Variants in MACROD2 observed in about 807,000 individuals in gnomAD.
The protein encoded by MACROD2 is ADP-ribose glycohydrolase MACROD2.
A neutral mutation model predicts 70.4 loss-of-function variants in MACROD2; 36 were observed. The ratio of observed to expected loss-of-function variants is 0.51; its 90% CI spans 0.39 to 0.68. The LOEUF (loss-of-function observed/expected upper bound fraction) is 0.68, where lower values mean the gene tolerates loss of function less well. Among genes scored for constraint, MACROD2 ranks in the 30% least tolerant of loss-of-function variants. The pLI is 0.00. For synonymous variants in MACROD2, 172 were observed against 178.8 expected (o/e 0.96, Z 0.30); for missense variants, 496 against 538.4 (o/e 0.92, Z 0.78).
In MACROD2 at chr20:14,394,930, C is replaced by A. The variant is rs148314566; in HGVS notation, c.272-98549C>A. Among the ~76,000 whole-genome samples the A allele has an allele frequency of 6.7e-4, 102 of 152,162 alleles. No homozygotes were observed. The East Asian group carries it at 0.015, about 22-fold the overall frequency. ...TTGAATGTTAAACCATCATTATATT[C>A]CTAGAATAAACTCTATTGTGTCAAA... On this transcript the variant is annotated intron_variant, in intron 3 of 17. Transcript: ENST00000684519.
At chr20:15,842,110 G>A (rs1225058804) in intron 8 of MACROD2, among the ~76,000 whole-genome samples, 1 of 152,064 alleles carries the variant, frequency 6.6e-6, no homozygotes, top group Non-Finnish European at 1.5e-5. Flanking sequence ...TGGGGCCATA[G>A]CAGCACAATC....
intron 3 of MACROD2, among the ~76,000 whole-genome samples, chr20:14,473,000 G>A: frequency 6.6e-6 from 1 of 151,950 alleles, no homozygotes; most frequent in African/African-American, 2.4e-5. Context: ...TCACTAAGAG[G>A]TTTATTTATT....
chr20:14,157,409 T>G (rs1176136849), intron 3 of MACROD2, among the ~76,000 whole-genome samples: 1 of 152,092 alleles, frequency 6.6e-6, no homozygotes, highest in Non-Finnish European at 1.5e-5. Context: ...ACCTTTCAAG[T>G]CCTCTCTTCT....
At chr20:16,044,297 A>G (rs957474995) in intron 16 of MACROD2, among the ~76,000 whole-genome samples, 2 of 152,042 alleles carry the variant, frequency 1.3e-5, no homozygotes, top group African/African-American at 4.8e-5. Flanking sequence ...TGAAGGATAC[A>G]TCCCTGCAAT....
intron 1 of MACROD2, among the ~76,000 whole-genome samples, chr20:13,998,683 C>T (rs933830341): frequency 6.6e-6 from 1 of 152,076 alleles, no homozygotes; most frequent in African/African-American, 2.4e-5. Context: ...GGGCTAGGCG[C>T]GGTGGCTCAC....
intron 5 of MACROD2, among the ~76,000 whole-genome samples, chr20:14,814,614 T>C (rs1319035892): frequency 1.3e-5 from 2 of 152,036 alleles, no homozygotes; most frequent in Non-Finnish European, 2.9e-5. Flanking sequence ...TTTGGAGTTA[T>C]AATGCCTTCT....
chr20:14,135,376 T>C (rs1222936350), intron 3 of MACROD2, among the ~76,000 whole-genome samples: 2 of 151,796 alleles, frequency 1.3e-5, no homozygotes, highest in African/African-American at 4.8e-5. Context: ...ATTAATCATA[T>C]TATCAGGCTT....
chr20:15,073,276 T>C (rs2075632748), intron 5 of MACROD2, among the ~76,000 whole-genome samples: 1 of 152,156 alleles, frequency 6.6e-6, no homozygotes, highest in African/African-American at 2.4e-5. Flanking sequence ...CTCCAACTAC[T>C]ATCAAAGATG....
chr20:15,448,341 T>C (rs555974679), intron 7 of MACROD2, among the ~76,000 whole-genome samples: 8 of 152,216 alleles, frequency 5.3e-5, no homozygotes, highest in African/African-American at 1.9e-4. Context: ...TTAATGGTGG[T>C]TAACAAGCAA....
At chr20:14,770,853 C>T (rs538239333) in intron 5 of MACROD2, among the ~76,000 whole-genome samples, 2 of 152,012 alleles carry the variant, frequency 1.3e-5, no homozygotes, top group Non-Finnish European at 2.9e-5. Flanking sequence ...CAGGCTGGCT[C>T]CAGTGCCATA....
intron 5 of MACROD2, among the ~76,000 whole-genome samples, chr20:14,701,918 A>T (rs756625803): frequency 1.3e-5 from 2 of 152,124 alleles, no homozygotes; most frequent in Non-Finnish European, 2.9e-5. Context: ...TATGAGGAAA[A>T]TCAGGCACAG....
At position 14,076,077 on chromosome 20, in the gene MACROD2, G is replaced by T. The variant is rs531002579; in HGVS notation, c.164-9544G>T. 5.7e-4 allele frequency among the ~76,000 whole-genome samples: 87 copies of T among 152,238 alleles called. 1 individual carries two copies. Among genetic ancestry groups the T allele is most frequent in the African/African-American group, 2.0e-3 (83 of 41,544 alleles). ...AATTTTGACAAAAATGTAGACCAAA[G>T]ATAAAACTATATTACTTTGTTTACT... On this transcript the variant is annotated intron_variant, in intron 2 of 17. Transcript: ENST00000684519.
intron 4 of MACROD2, among the ~76,000 whole-genome samples, chr20:14,595,532 C>T (rs1600432192): frequency 6.6e-6 from 1 of 152,196 alleles, no homozygotes; most frequent in African/African-American, 2.4e-5. Flanking sequence ...AATAACATAG[C>T]TTTCTACTCT....
At chr20:14,432,187 C>T (rs2084002177) in intron 3 of MACROD2, among the ~76,000 whole-genome samples, 1 of 152,088 alleles carries the variant, frequency 6.6e-6, no homozygotes, top group South Asian at 2.1e-4. Flanking sequence ...CCATGCTGTT[C>T]CTGGACATTG....
intron 9 of MACROD2, among the ~76,000 whole-genome samples, chr20:15,870,432 A>G (rs6110809): frequency 0.67 from 102,345 of 151,786 alleles, 36,951 homozygotes; most frequent in Non-Finnish European, 0.8. Context: ...AAACTGCTAC[A>G]GTTGGAATGT....
At chr20:14,574,380 C>G (rs1315414571) in intron 4 of MACROD2, among the ~76,000 whole-genome samples, 1 of 147,146 alleles carries the variant, frequency 6.8e-6, no homozygotes, top group Non-Finnish European at 1.5e-5. Context: ...CCCTGCCATT[C>G]ATTCATTCAT....
At chr20:15,377,326 C>A (rs1046211489) in intron 6 of MACROD2, among the ~76,000 whole-genome samples, 4 of 151,818 alleles carry the variant, frequency 2.6e-5, no homozygotes, top group Non-Finnish European at 5.9e-5. Flanking sequence ...AAAAGGAAGA[C>A]TGTGATAAAA....
At chr20:14,069,193 T>G (rs193151737) in intron 2 of MACROD2, among the ~76,000 whole-genome samples, 1 of 152,236 alleles carries the variant, frequency 6.6e-6, no homozygotes, top group Non-Finnish European at 1.5e-5. Context: ...GTGATCAGCC[T>G]GCCTCGGCCT....
chr20:14,620,208 C>T lies in MACROD2; in HGVS notation c.302-64635C>T, dbSNP rs150568935. ...GTGCATAAGGATGATGTGCCACTTC[C>T]ATGTTGAAGCTTCAAAATCTAGCGT... On this transcript the variant is annotated intron_variant, in intron 4 of 17. Transcript: ENST00000684519. 9.6e-4 allele frequency among the ~76,000 whole-genome samples: 146 copies of T among 151,926 alleles called. 1 individual carries two copies. Among genetic ancestry groups the T allele is most frequent in the Middle Eastern group, 3.4e-3 (1 of 294 alleles).
Sources: gnomAD v4.1 joint callset for allele counts (sites outside exome capture counted in the v4.1 genomes callset) on GRCh38, gnomAD v4.1.1 for gene constraint, MANE v1.5 for transcripts, NCBI Gene and HGNC (gene_info 2026-07-23, HGNC 2026-07-21) for gene names.